The following SENP6 variants were observed in gnomAD, a reference collection of about 807,000 sequenced individuals.
SENP6 encodes sentrin-specific protease 6.
Under a neutral mutation model 134.5 loss-of-function variants are expected in SENP6, and 41 were observed. That is an observed-to-expected ratio of 0.30 (90% CI 0.24 to 0.40). The LOEUF is 0.40. Among genes scored for constraint, SENP6 ranks in the 10% least tolerant of loss-of-function variants. SENP6 has a pLI of 1.00. For missense variants in SENP6, 1,248 were observed against 1,312.5 expected (o/e 0.95, Z 0.76); for synonymous variants, 395 against 429.8 (o/e 0.92, Z 1.00).
chr6:75,602,672 G>A (rs1420645468), intron 1 of SENP6, 96 bp downstream of exon 1: 18 of 1,298,322 alleles, frequency 1.4e-5, no homozygotes, highest in Non-Finnish European at 1.9e-5. Flanking sequence ...CGCTGGGTGG[G>A]TTTCGGGGGC....
chr6:75,629,203 GT>G (rs1425641182), intron 3 of SENP6, among the ~76,000 whole-genome samples: 1 of 152,082 alleles, frequency 6.6e-6, no homozygotes, highest in Non-Finnish European at 1.5e-5. Flanking sequence ...AGGTTTCTTT[GT>G]TTTGTTTTGT....
intron 10 of SENP6, among the ~76,000 whole-genome samples, chr6:75,669,036 C>CT (rs1212056552): frequency 2.0e-5 from 3 of 152,178 alleles, no homozygotes; most frequent in African/African-American, 7.2e-5. Flanking sequence ...TTAAACCTCT[C>CT]TAACAGGTTT....
intron 16 of SENP6, among the ~76,000 whole-genome samples, chr6:75,695,545 T>C (rs1224603051): frequency 1.3e-5 from 2 of 152,156 alleles, no homozygotes; most frequent in African/African-American, 2.4e-5. Flanking sequence ...GAGACCAGCC[T>C]GACCAACATG....
At chr6:75,607,248 A>G (rs1321008747) in intron 1 of SENP6, among the ~76,000 whole-genome samples, 1 of 152,032 alleles carries the variant, frequency 6.6e-6, no homozygotes, top group Non-Finnish European at 1.5e-5. Flanking sequence ...GCAGTGAGCC[A>G]TGATCGTACC....
In SENP6 at chr6:75,680,060, A is replaced by G. The variant is rs72654735; in HGVS notation, c.2075+1133A>G. Among the ~76,000 whole-genome samples the G allele has an allele frequency of 0.011, 1,609 of 152,356 alleles. 59 individuals carry two copies. In the East Asian group the frequency reaches 0.14, roughly 13 times the overall value. The stretch of plus-strand genomic sequence containing the variant: ...GAGGTGATTTAAGGAAATTTAATTA[A>G]GATGATTTAAGAAGCCTATTTAAGA... On this transcript the variant is annotated intron_variant, in intron 16 of 23. Transcript: ENST00000447266.
intron 16 of SENP6, among the ~76,000 whole-genome samples, chr6:75,686,828 A>G (rs1465990158): frequency 6.6e-6 from 1 of 151,998 alleles, no homozygotes; most frequent in African/African-American, 2.4e-5. Context: ...TGCCCTTAAC[A>G]CTTTTTCCTT....
At chr6:75,605,018 A>G (rs1308193603) in intron 1 of SENP6, among the ~76,000 whole-genome samples, 1 of 152,150 alleles carries the variant, frequency 6.6e-6, no homozygotes, top group East Asian at 1.9e-4. Flanking sequence ...GGTTGCAGTG[A>G]GCCGAGATCG....
intron 13 of SENP6, among the ~76,000 whole-genome samples, chr6:75,676,274 C>T (rs1428163713): frequency 6.6e-6 from 1 of 152,100 alleles, no homozygotes; most frequent in East Asian, 1.9e-4. Context: ...CAGACTTACT[C>T]ATTTACAAAG....
chr6:75,693,996 C>T (rs901757573), intron 16 of SENP6, among the ~76,000 whole-genome samples: 17 of 152,160 alleles, frequency 1.1e-4, no homozygotes, highest in Non-Finnish European at 1.5e-4. Flanking sequence ...GTGGCTCACG[C>T]CTGTAATCCC....
chr6:75,697,616 C>T, intron 18 of SENP6, 99 bp downstream of exon 18: 2 of 787,324 alleles, frequency 2.5e-6, no homozygotes, highest in Non-Finnish European at 4.2e-6. Flanking sequence ...TTTAAAACAT[C>T]TTTCTGAAAT....
At chr6:75,672,428 G>C (rs916126042) in intron 11 of SENP6, among the ~76,000 whole-genome samples, 2 of 152,156 alleles carry the variant, frequency 1.3e-5, no homozygotes, top group Non-Finnish European at 2.9e-5. Flanking sequence ...ATAAAAGGCA[G>C]TATATGTAAC....
At chr6:75,639,203 A>G (rs1769837270) in intron 5 of SENP6, among the ~76,000 whole-genome samples, 2 of 152,226 alleles carry the variant, frequency 1.3e-5, no homozygotes, top group Admixed American at 6.5e-5. Flanking sequence ...ATAAATACAT[A>G]GGATAGGACA....
intron 16 of SENP6, among the ~76,000 whole-genome samples, chr6:75,682,787 C>A (rs1033828786): frequency 2.0e-5 from 3 of 152,066 alleles, no homozygotes; most frequent in Non-Finnish European, 4.4e-5. Flanking sequence ...TGCCACATTT[C>A]CTTAATCCAG....
intron 18 of SENP6, among the ~76,000 whole-genome samples, chr6:75,699,354 CTTTTTTTTTTTT>C (rs71544060): frequency 7.0e-5 from 8 of 115,016 alleles, no homozygotes; most frequent in African/African-American, 2.2e-4. Flanking sequence ...TTTGTTTTTG[CTTTTTTTTTTTT>C]TTTTTTTTGA....
At chr6:75,697,353 T>A in intron 17 of SENP6, 72 bp from the exon 18 acceptor site, 1 of 1,070,080 alleles carries the variant, frequency 9.3e-7, no homozygotes, top group Non-Finnish European at 1.4e-6. Context: ...TCTTCTTAAT[T>A]TATAAATCAC....
intron 7 of SENP6, among the ~76,000 whole-genome samples, chr6:75,652,735 G>A (rs1770996767): frequency 6.8e-6 from 1 of 147,080 alleles, no homozygotes; most frequent in African/African-American, 2.5e-5. Context: ...GTGTAAAGAT[G>A]GTTAGCTCCC....
At chr6:75,660,641 T>C (rs1771701909) in intron 8 of SENP6, among the ~76,000 whole-genome samples, 1 of 152,076 alleles carries the variant, frequency 6.6e-6, no homozygotes, top group South Asian at 2.1e-4. Context: ...ATTTCTTTTT[T>C]TTTTTCCCCG....
At chr6:75,683,916 T>A (rs1370988074) in intron 16 of SENP6, among the ~76,000 whole-genome samples, 1 of 152,212 alleles carries the variant, frequency 6.6e-6, no homozygotes, top group Non-Finnish European at 1.5e-5. Flanking sequence ...TAAAGTAGTT[T>A]TTTCTAATTC....
At chr6:75,693,053 T>C (rs1774395432) in intron 16 of SENP6, among the ~76,000 whole-genome samples, 1 of 152,168 alleles carries the variant, frequency 6.6e-6, no homozygotes. Flanking sequence ...ATATCACAAA[T>C]ACATTTCCTT....
Sources: allele counts gnomAD v4.1 joint callset (sites outside exome capture counted in the v4.1 genomes callset), GRCh38; gene constraint gnomAD v4.1.1; transcripts MANE v1.5; gene names NCBI Gene and HGNC (gene_info 2026-07-23, HGNC 2026-07-21).